The following ARB2A variants were observed in gnomAD, a reference collection of about 807,000 sequenced individuals.
ARB2A encodes ARB2 cotranscriptional regulator A.
At chr5:94,076,422 C>G in the ARB2A span, among the ~76,000 whole-genome samples, 1 of 152,064 alleles carries the variant, frequency 6.6e-6, no homozygotes, top group Admixed American at 6.6e-5. Flanking sequence ...AGAAATACAT[C>G]CTAGTATATA....
chr5:94,060,353 A>G, the ARB2A span, among the ~76,000 whole-genome samples: 1 of 151,994 alleles, frequency 6.6e-6, no homozygotes, highest in Non-Finnish European at 1.5e-5. Flanking sequence ...TTCCATCTCA[A>G]AAAAAAAGAA....
At chr5:94,086,210 T>C in the ARB2A span, among the ~76,000 whole-genome samples, 1 of 152,216 alleles carries the variant, frequency 6.6e-6, no homozygotes, top group South Asian at 2.1e-4. Flanking sequence ...ATAACCTTGG[T>C]TGCACACAAT....
chr5:94,076,336 C>T, the ARB2A span, among the ~76,000 whole-genome samples: 1 of 152,112 alleles, frequency 6.6e-6, no homozygotes, highest in Admixed American at 6.5e-5. Flanking sequence ...ATAAGTGACT[C>T]TTATTTTTCT....
At chr5:93,962,149 G>A in the ARB2A span, among the ~76,000 whole-genome samples, 1 of 152,118 alleles carries the variant, frequency 6.6e-6, no homozygotes, top group East Asian at 1.9e-4. Context: ...ACACATAATG[G>A]TCATTCCAGC....
At chr5:93,656,592 T>C in the ARB2A span, among the ~76,000 whole-genome samples, 2 of 152,172 alleles carry the variant, frequency 1.3e-5, no homozygotes, top group African/African-American at 2.4e-5. Flanking sequence ...TGGAAAAGTA[T>C]GGTAAAAGGA....
the ARB2A span, among the ~76,000 whole-genome samples, chr5:93,841,457 C>T: frequency 2.9e-4 from 44 of 152,152 alleles, no homozygotes; most frequent in Middle Eastern, 3.4e-3. Context: ...AAATACTATG[C>T]CATTTTATAT....
chr5:93,978,685 G>C, the ARB2A span, among the ~76,000 whole-genome samples: 1 of 152,176 alleles, frequency 6.6e-6, no homozygotes, highest in Non-Finnish European at 1.5e-5. Context: ...ATGTTCACTA[G>C]TTGGGTGATG....
At chr5:94,052,818 A>T in the ARB2A span, among the ~76,000 whole-genome samples, 4 of 152,178 alleles carry the variant, frequency 2.6e-5, no homozygotes, top group Non-Finnish European at 4.4e-5. Flanking sequence ...CAAATTGGAT[A>T]CCAGGGAGTT....
the ARB2A span, among the ~76,000 whole-genome samples, chr5:93,851,602 G>A: frequency 0.011 from 1,719 of 151,992 alleles, 29 homozygotes; most frequent in African/African-American, 0.04. Flanking sequence ...ATCCCTCCCC[G>A]CTTCCGCCAC....
the ARB2A span, chr5:93,736,298 G>T: frequency 6.6e-6 from 1 of 152,294 alleles, no homozygotes; most frequent in South Asian, 2.1e-4. Context: ...GCTTATAGGT[G>T]TGTTCTGAAA....
the ARB2A span, chr5:93,862,287 G>C: frequency 6.6e-6 from 1 of 152,142 alleles, no homozygotes; most frequent in African/African-American, 2.4e-5. Flanking sequence ...CATCACAATA[G>C]CAGCAAAAAT....
chr5:93,848,359 G>A, the ARB2A span, among the ~76,000 whole-genome samples: 446 of 151,418 alleles, frequency 2.9e-3, 3 homozygotes, highest in African/African-American at 0.011. Flanking sequence ...CTCTAGCTTG[G>A]CGACAGAGCG....
At chr5:94,107,662 T>C in the ARB2A span, among the ~76,000 whole-genome samples, 2 of 152,174 alleles carry the variant, frequency 1.3e-5, no homozygotes, top group Admixed American at 1.3e-4. Context: ...ATTGTTAAAT[T>C]ATACACTCAA....
chr5:93,997,657 A>C, the ARB2A span, among the ~76,000 whole-genome samples: 1 of 152,004 alleles, frequency 6.6e-6, no homozygotes. Flanking sequence ...AGGAGTTCAA[A>C]TACCTCTGCA....
chr5:94,079,078 CTA>C, the ARB2A span, among the ~76,000 whole-genome samples: 1 of 152,166 alleles, frequency 6.6e-6, no homozygotes, highest in Non-Finnish European at 1.5e-5. Context: ...TGGATGAACT[CTA>C]TGCACAAATA....
the ARB2A span, among the ~76,000 whole-genome samples, chr5:93,840,038 GT>G: frequency 6.6e-6 from 1 of 152,030 alleles, no homozygotes; most frequent in East Asian, 1.9e-4. Flanking sequence ...TCTGATTTTG[GT>G]TATTTCTTGT....
the ARB2A span, among the ~76,000 whole-genome samples, chr5:93,715,361 G>A: frequency 6.6e-6 from 1 of 152,142 alleles, no homozygotes; most frequent in Non-Finnish European, 1.5e-5. Context: ...GCATTCTGAT[G>A]CAGTCCCCTT....
the ARB2A span, among the ~76,000 whole-genome samples, chr5:93,716,312 A>C: frequency 6.6e-6 from 1 of 152,198 alleles, no homozygotes; most frequent in Non-Finnish European, 1.5e-5. Context: ...AAAATCTAGA[A>C]TATTCTTCTC....
chr5:94,018,823 T>G, the ARB2A span, among the ~76,000 whole-genome samples: 1 of 152,034 alleles, frequency 6.6e-6, no homozygotes, highest in African/African-American at 2.4e-5. Context: ...TTAAATTTCA[T>G]ATGGAACGAA....
Sources: allele counts gnomAD v4.1 joint callset (sites outside exome capture counted in the v4.1 genomes callset), GRCh38; gene constraint gnomAD v4.1.1; transcripts MANE v1.5; gene names NCBI Gene and HGNC (gene_info 2026-07-23, HGNC 2026-07-21).